GASK1A: variants seen among roughly 807,000 people sequenced by gnomAD.
GASK1A encodes Golgi-associated kinase 1A.
A neutral mutation model predicts 41.2 loss-of-function variants in GASK1A; 40 were observed. The ratio of observed to expected loss-of-function variants is 0.97; its 90% CI spans 0.75 to 1.27. The LOEUF (loss-of-function observed/expected upper bound fraction) is 1.27. GASK1A is among the 50% of genes most tolerant of loss of function. The pLI, the probability that GASK1A is intolerant of heterozygous loss-of-function variation, is 0.00. For synonymous variants in GASK1A, 316 were observed against 307.1 expected (o/e 1.03, Z -0.30); for missense variants, 678 against 745.1 (o/e 0.91, Z 1.05).
Position 43,032,883 on chromosome 3 carries a change from A to G in GASK1A, c.620A>G (p.Glu207Gly), listed in dbSNP as rs1044832565. 3.2e-6 allele frequency: 5 copies of G among 1,550,666 alleles called. No homozygotes were observed. In the South Asian group the frequency reaches 3.6e-5, roughly 11 times the overall value. ...GAAGGCAGGGATCTGCTGGGAGCTG[A>G]GAACAGAGCCTTGACTGGTGGGCAA... The part of the protein sequence containing the change: ...TAEGRDLLGA[E>G]NRALTGGQQA... Residue 207 changes from glutamate (E) to glycine (G), a missense_variant, in exon 2 of 5, where the codon GAG becomes GGG. Glu to Gly is a moderately conservative substitution (Grantham distance 98). Transcript: ENST00000430121.
intron 1 of GASK1A, among the ~76,000 whole-genome samples, chr3:43,013,543 G>A (rs1395303294): frequency 6.6e-6 from 1 of 151,728 alleles, no homozygotes; most frequent in Admixed American, 6.5e-5. Context: ...CACAGGAACA[G>A]GCATTGTGAA....
At chr3:43,000,142 G>C (rs2089401490) in intron 1 of GASK1A, among the ~76,000 whole-genome samples, 1 of 152,192 alleles carries the variant, frequency 6.6e-6, no homozygotes, top group Admixed American at 6.5e-5. Context: ...GGGTTGTCCA[G>C]GCTCTGTCTT....
intron 1 of GASK1A, 49 bp from the exon 2 acceptor site, chr3:43,032,213 TTGAGC>T (rs2089578922): frequency 7.3e-7 from 1 of 1,378,830 alleles, no homozygotes; most frequent in Non-Finnish European, 9.8e-7. Context: ...GTTTTGTGGG[TTGAGC>T]TGATGTATTT....
intron 1 of GASK1A, among the ~76,000 whole-genome samples, chr3:43,016,134 A>G (rs1164426632): frequency 1.4e-5 from 2 of 146,630 alleles, no homozygotes; most frequent in Admixed American, 1.3e-4. Flanking sequence ...GGGAAGGGGC[A>G]TAGGAAGTCA....
Position 42,984,116 on chromosome 3 carries a change from T to C in GASK1A, c.3+4471T>C, listed in dbSNP as rs577433360. ...TGGGGCTGTCTTTGCTTGGATCATC[T>C]TGTGATGTGACTGCTAAAGTGTTTC... On this transcript the variant is annotated intron_variant, in intron 1 of 4. Coordinates refer to ENST00000430121, the MANE Select transcript of GASK1A (RefSeq NM_001129908.3). The surrounding 1 kb of genome is among the most constrained non-coding windows in gnomAD (Gnocchi z 4.2). 3.3e-5 allele frequency among the ~76,000 whole-genome samples: 5 copies of C among 152,174 alleles called. No homozygotes were observed. The South Asian group carries it at 8.3e-4, about 25-fold the overall frequency.
At position 43,026,757 on chromosome 3, in the gene GASK1A, CAT is replaced by C. The variant is rs375835867; in HGVS notation, c.4-5506_4-5505del. Among the ~76,000 whole-genome samples the C allele has an allele frequency of 8.3e-4, 126 of 151,810 alleles. 2 individuals are homozygous for C. In the East Asian group the frequency reaches 0.021, roughly 26 times the overall value. ...AAAGGATTAAAGAGAAGGTAAGAAACATATAAGGAAGATAAAGGAGAGCCACC... is the reference window on the plus strand; with the variant it reads ...AAAGGATTAAAGAGAAGGTAAGAAACATAAGGAAGATAAAGGAGAGCCACC... On this transcript the variant is annotated intron_variant, in intron 1 of 4. Transcript: ENST00000430121.
At chr3:43,033,654 C>T (rs1359305294) in intron 2 of GASK1A, 101 bp downstream of exon 2, 2 of 1,150,854 alleles carry the variant, frequency 1.7e-6, no homozygotes, top group Non-Finnish European at 2.3e-6. Flanking sequence ...TGACTCTCCC[C>T]CAAGTCTTGG....
chr3:42,988,926 G>A (rs962457372), intron 1 of GASK1A, among the ~76,000 whole-genome samples: 1 of 152,360 alleles, frequency 6.6e-6, no homozygotes, highest in Admixed American at 6.5e-5. Flanking sequence ...CAGCAGTGTT[G>A]TGAGGTGACT....
At chr3:43,039,098 A>G (rs1309921602) in intron 2 of GASK1A, among the ~76,000 whole-genome samples, 1 of 151,936 alleles carries the variant, frequency 6.6e-6, no homozygotes. Flanking sequence ...TTTAAAACAA[A>G]AGACAAAAAT....
At chr3:43,047,977 A>G (rs80202300) in intron 2 of GASK1A, among the ~76,000 whole-genome samples, 2 of 152,208 alleles carry the variant, frequency 1.3e-5, no homozygotes, top group Admixed American at 6.5e-5. Flanking sequence ...CACATAACCT[A>G]AAATTGGCAG....
At chr3:43,034,301 G>A (rs1192322216) in intron 2 of GASK1A, among the ~76,000 whole-genome samples, 1 of 152,220 alleles carries the variant, frequency 6.6e-6, no homozygotes, top group Non-Finnish European at 1.5e-5. Flanking sequence ...GAACTGTCAG[G>A]AGTTAACCCT....
intron 1 of GASK1A, among the ~76,000 whole-genome samples, chr3:43,021,906 G>T (rs943280811): frequency 6.6e-6 from 1 of 152,228 alleles, no homozygotes; most frequent in Admixed American, 6.5e-5. Flanking sequence ...AGGGGTATTG[G>T]TGAAGGGTTG....
rs989078971 is a variant in GASK1A, at chr3:42,979,339, T to TAG, written c.-302_-301dup. 22 of 360,322 alleles carry TAG rather than the reference T, an allele frequency of 6.1e-5. No homozygotes were observed. Among genetic ancestry groups the TAG allele is most frequent in the Non-Finnish European group, 1.1e-4 (22 of 202,144 alleles). 22.3% of individuals were successfully genotyped at this position (360,322 alleles called of 1,614,324 possible). ...TTGCAAACTCTGCAAAAGTCCCGAGTAGACCGCAGAGGCTCGCGGCCGCGG... is the reference window on the plus strand; with the variant it reads ...TTGCAAACTCTGCAAAAGTCCCGAGTAGAGACCGCAGAGGCTCGCGGCCGCGG... On this transcript the variant is annotated 5_prime_UTR_variant, in exon 1 of 5. Coordinates refer to ENST00000430121, the MANE Select transcript of GASK1A (RefSeq NM_001129908.3).
At chr3:42,983,407 G>T (rs1274793624) in intron 1 of GASK1A, among the ~76,000 whole-genome samples, 1 of 151,990 alleles carries the variant, frequency 6.6e-6, no homozygotes, top group Non-Finnish European at 1.5e-5. Flanking sequence ...ATGCTTCTGG[G>T]ACTCTTCTCT....
At chr3:43,023,454 A>C (rs1287375524) in intron 1 of GASK1A, among the ~76,000 whole-genome samples, 1 of 152,190 alleles carries the variant, frequency 6.6e-6, no homozygotes, top group Admixed American at 6.5e-5. Context: ...GCTACAGGAA[A>C]CTAATATACT....
chr3:43,029,343 C>T (rs1307281138), intron 1 of GASK1A, among the ~76,000 whole-genome samples: 1 of 152,130 alleles, frequency 6.6e-6, no homozygotes, highest in African/African-American at 2.4e-5. Flanking sequence ...AAGCCACCCT[C>T]CAGGGCCTAC....
Position 43,032,987 on chromosome 3 carries a change from T to A in GASK1A, c.724T>A (p.Cys242Ser). Residue 242 changes from cysteine to serine, a missense_variant, in exon 2 of 5, where the codon TGT becomes AGT. Coordinates refer to ENST00000430121, the MANE Select transcript of GASK1A (RefSeq NM_001129908.3). The stretch of plus-strand genomic sequence containing the variant: ...TGAGAAGCTGCAAGGGTCAGTATGG[T>A]GTGATGCTGAGACGCTGTTGAGCAG... ...SVEKLQGSVWCDAETLLSSSR... is the reference protein window; with the variant it reads ...SVEKLQGSVWSDAETLLSSSR... The A allele has an allele frequency of 6.4e-7, 1 of 1,551,570 alleles. No individual in the cohort carries two copies. Among genetic ancestry groups the A allele is most frequent in the Non-Finnish European group, 8.7e-7 (1 of 1,146,944 alleles).
At chr3:42,985,584 T>G (rs1050933043) in intron 1 of GASK1A, among the ~76,000 whole-genome samples, 66 of 136,308 alleles carry the variant, frequency 4.8e-4, no homozygotes, top group Non-Finnish European at 6.7e-4. Context: ...TGTGTGTGTG[T>G]GTGGGCGGAG....
intron 1 of GASK1A, among the ~76,000 whole-genome samples, chr3:42,997,768 G>T (rs2089384389): frequency 1.3e-5 from 2 of 152,220 alleles, no homozygotes; most frequent in South Asian, 4.1e-4. Context: ...TCCTCCAGAA[G>T]GAGACCTTGA....
Sources: gnomAD v4.1 joint callset for allele counts (sites outside exome capture counted in the v4.1 genomes callset) on GRCh38, gnomAD v4.1.1 for gene constraint, Gnocchi (gnomAD v3.1) non-coding constraint, MANE v1.5 for transcripts, NCBI Gene and HGNC (gene_info 2026-07-23, HGNC 2026-07-21) for gene names.